The following BMP6 variants were observed in gnomAD, a reference collection of about 807,000 sequenced individuals.
BMP6 encodes the protein bone morphogenetic protein 6.
In BMP6, 17 loss-of-function variants were observed where a neutral mutation model predicts 54.1. The ratio of observed to expected loss-of-function variants is 0.31; its 90% CI spans 0.22 to 0.47. The LOEUF (loss-of-function observed/expected upper bound fraction) is 0.47, where lower values mean the gene tolerates loss of function less well. Among genes scored for constraint, BMP6 ranks in the 20% least tolerant of loss-of-function variants. BMP6 has a pLI of 1.00. For synonymous variants in BMP6, 328 were observed against 291.2 expected (o/e 1.13, Z -1.28); for missense variants, 720 against 690.4 (o/e 1.04, Z -0.48).
intron 1 of BMP6, among the ~76,000 whole-genome samples, chr6:7,763,308 A>G (rs540184933): frequency 6.6e-6 from 1 of 152,344 alleles, no homozygotes; most frequent in African/African-American, 2.4e-5. Flanking sequence ...GTAAGTATTC[A>G]TGTAAAAAGT....
rs1256634259 is a variant in BMP6, at chr6:7,738,123, ACT to A, written c.664+10505_664+10506del. On this transcript the variant is annotated intron_variant, in intron 1 of 6. Coordinates refer to ENST00000283147, the MANE Select transcript of BMP6 (RefSeq NM_001718.6). ...TTCTGCAAGAAAAGGCCGTAGAAGC[ACT>A]TTCTATTCTATTCCTCTCTTTGAGG... 6.6e-5 allele frequency among the ~76,000 whole-genome samples: 10 copies of A among 152,326 alleles called. No individual in the cohort carries two copies. The East Asian group carries it at 1.9e-3, about 29-fold the overall frequency.
intron 1 of BMP6, among the ~76,000 whole-genome samples, chr6:7,788,789 A>G (rs1351916173): frequency 6.6e-6 from 1 of 152,092 alleles, no homozygotes; most frequent in Non-Finnish European, 1.5e-5. Context: ...TAAAATTCCT[A>G]AGATACGTAG....
At chr6:7,852,222 A>G (rs1339406710) in intron 2 of BMP6, among the ~76,000 whole-genome samples, 1 of 152,192 alleles carries the variant, frequency 6.6e-6, no homozygotes, top group African/African-American at 2.4e-5. Context: ...TTAAGGATGT[A>G]TTAAGGCTTA....
At chr6:7,748,842 A>C (rs1757382220) in intron 1 of BMP6, among the ~76,000 whole-genome samples, 1 of 152,128 alleles carries the variant, frequency 6.6e-6, no homozygotes, top group Non-Finnish European at 1.5e-5. Context: ...CTTGCATCTC[A>C]CCATACCCCC....
intron 1 of BMP6, among the ~76,000 whole-genome samples, chr6:7,734,867 C>G (rs761934954): frequency 6.6e-6 from 1 of 152,252 alleles, no homozygotes; most frequent in Non-Finnish European, 1.5e-5. Context: ...GAATCTCCTT[C>G]AAACATTTTT....
chr6:7,868,868 C>G (rs1034279163), intron 4 of BMP6, among the ~76,000 whole-genome samples: 1 of 152,046 alleles, frequency 6.6e-6, no homozygotes, highest in African/African-American at 2.4e-5. Flanking sequence ...GCCCACCTCT[C>G]TCCCTCTCCC....
chr6:7,766,377 C>G (rs1757688077), intron 1 of BMP6, among the ~76,000 whole-genome samples: 1 of 152,154 alleles, frequency 6.6e-6, no homozygotes, highest in Non-Finnish European at 1.5e-5. Context: ...TTTTGGGAGG[C>G]TGAAGTGGAA....
chr6:7,807,633 G>A (rs1030159616), intron 1 of BMP6, among the ~76,000 whole-genome samples: 3 of 152,118 alleles, frequency 2.0e-5, no homozygotes, highest in African/African-American at 7.2e-5. Flanking sequence ...TACCAATTCA[G>A]AAACTCCAGG....
chr6:7,730,430 C>T (rs1031260989), intron 1 of BMP6, among the ~76,000 whole-genome samples: 5 of 152,276 alleles, frequency 3.3e-5, no homozygotes, highest in Admixed American at 2.0e-4. Context: ...ATCCCAAGCC[C>T]CTCATATTCC....
intron 1 of BMP6, among the ~76,000 whole-genome samples, chr6:7,828,243 CA>C (rs1480486209): frequency 6.6e-6 from 1 of 152,152 alleles, no homozygotes; most frequent in East Asian, 1.9e-4. Context: ...CTGGTTGCCC[CA>C]GAAAAGGAAA....
chr6:7,870,775 G>A (rs1759511692), intron 4 of BMP6, among the ~76,000 whole-genome samples: 1 of 152,216 alleles, frequency 6.6e-6, no homozygotes, highest in Non-Finnish European at 1.5e-5. Flanking sequence ...CTACAGGCAT[G>A]TGCCATCATG....
chr6:7,821,186 A>C (rs1758606059), intron 1 of BMP6, among the ~76,000 whole-genome samples: 1 of 152,194 alleles, frequency 6.6e-6, no homozygotes, highest in Non-Finnish European at 1.5e-5. Context: ...CCAGCCTTTT[A>C]AAAGCTTTCC....
At chr6:7,827,365 G>C (rs921779934) in intron 1 of BMP6, among the ~76,000 whole-genome samples, 2 of 152,212 alleles carry the variant, frequency 1.3e-5, no homozygotes, top group African/African-American at 2.4e-5. Flanking sequence ...AAGATGAAGT[G>C]AATCACCAGA....
At chr6:7,854,966 C>T (rs1447540804) in intron 2 of BMP6, among the ~76,000 whole-genome samples, 1 of 152,140 alleles carries the variant, frequency 6.6e-6, no homozygotes, top group Non-Finnish European at 1.5e-5. Context: ...TCCTCTTTCC[C>T]CCTCTTACCC....
intron 1 of BMP6, among the ~76,000 whole-genome samples, chr6:7,778,224 T>C (rs1469993271): frequency 6.6e-6 from 1 of 152,158 alleles, no homozygotes; most frequent in Non-Finnish European, 1.5e-5. Flanking sequence ...ACAGGATAAA[T>C]GCACGTTGTA....
chr6:7,786,508 A>C (rs1330035340), intron 1 of BMP6, among the ~76,000 whole-genome samples: 1 of 143,666 alleles, frequency 7.0e-6, no homozygotes, highest in Non-Finnish European at 1.5e-5. Flanking sequence ...GAAACCTTTC[A>C]GCTCACATCC....
chr6:7,781,195 C>T (rs1020013408), intron 1 of BMP6, among the ~76,000 whole-genome samples: 2 of 152,198 alleles, frequency 1.3e-5, no homozygotes, highest in Non-Finnish European at 1.5e-5. Context: ...TCTGCTTAAT[C>T]CTCACCAAAT....
chr6:7,829,065 A>G (rs1474117306), intron 1 of BMP6, among the ~76,000 whole-genome samples: 3 of 152,226 alleles, frequency 2.0e-5, no homozygotes, highest in South Asian at 4.1e-4. Flanking sequence ...TTGGCCTCTC[A>G]GTTACTTTTA....
In BMP6 at chr6:7,727,075, G is replaced by T; in HGVS notation, c.120G>T (p.Gly40=). The change falls in exon 1 of 7, where the codon GGG becomes GGT. Residue 40 remains glycine, a synonymous_variant. Transcript: ENST00000283147. ...PLPAAAAAAA[G]GQLLGDGGSP... ...CCGCTGCCGCGGCCGCCGCCGCCGG[G>T]GGGCAGCTGCTGGGGGACGGCGGGA... 1.6e-6 allele frequency: 2 copies of T among 1,246,272 alleles called. No homozygotes were observed. Among genetic ancestry groups the T allele is most frequent in the South Asian group, 3.7e-5 (1 of 26,742 alleles). 77.2% of individuals were successfully genotyped at this position (1,246,272 alleles called of 1,614,324 possible).
Sources: allele counts gnomAD v4.1 joint callset (sites outside exome capture counted in the v4.1 genomes callset), GRCh38; gene constraint gnomAD v4.1.1; transcripts MANE v1.5; gene names NCBI Gene and HGNC (gene_info 2026-07-23, HGNC 2026-07-21).